Variants in SPIRE1 observed in about 807,000 individuals in gnomAD.
SPIRE1 encodes the protein protein spire homolog 1.
Under a neutral mutation model 94.1 loss-of-function variants are expected in SPIRE1, and 40 were observed. The observed-to-expected ratio is 0.43, with a 90% CI of 0.33 to 0.55. The LOEUF is 0.55. Among genes scored for constraint, SPIRE1 ranks in the 20% least tolerant of loss-of-function variants. SPIRE1 has a pLI of 0.06. For synonymous variants in SPIRE1, 376 were observed against 371.7 expected, an observed-to-expected ratio of 1.01 and a Z score of -0.13; for missense variants, 838 against 975.2, an observed-to-expected ratio of 0.86 and a Z score of 1.87.
At position 12,623,159 on chromosome 18, in the gene SPIRE1, A is replaced by T. The variant is rs558111117; in HGVS notation, c.372+11903T>A. Among the ~76,000 whole-genome samples, 199 of 149,298 alleles carry T rather than the reference A, an allele frequency of 1.3e-3. 1 individual carries two copies. The highest frequency in any genetic ancestry group is 4.6e-3 in the African/African-American group (186 of 40,668). On this transcript the variant is annotated intron_variant, in intron 2 of 16. Coordinates refer to ENST00000409402, the MANE Select transcript of SPIRE1 (RefSeq NM_001128626.2). ...GTTTTAATTTTTACAACAAATATACATTTTTTTTTTTTGAGACAGAGTCTC... is the reference window on the plus strand; with the variant it reads ...GTTTTAATTTTTACAACAAATATACTTTTTTTTTTTTTGAGACAGAGTCTC...
rs980216032 is a variant in SPIRE1, at chr18:12,448,506, C to T, written c.*1132G>A. The T allele has an allele frequency of 3.9e-5, 6 of 152,222 alleles. No individual in the cohort carries two copies. Among genetic ancestry groups the T allele is most frequent in the Admixed American group, 2.0e-4 (3 of 15,272 alleles). 9.4% of individuals were successfully genotyped at this position (152,222 alleles called of 1,614,324 possible). A position where few individuals can be genotyped will look rare whatever the true frequency, so the allele number is the denominator to read the frequency against. Reference sequence around the variant, plus strand: ...ATGCTACCCTCCAGTCTACTTTCGTCAGAAACCAAACCTACTCACTCAAAT... The same window carrying T: ...ATGCTACCCTCCAGTCTACTTTCGTTAGAAACCAAACCTACTCACTCAAAT... On this transcript the variant is annotated 3_prime_UTR_variant, in exon 17 of 17. Coordinates refer to ENST00000409402, the MANE Select transcript of SPIRE1 (RefSeq NM_001128626.2). This position sits in a 1 kb window ranked among gnomAD's most constrained non-coding sequence, Gnocchi z 4.4.
At chr18:12,581,860 TA>T (rs34528391) in intron 2 of SPIRE1, among the ~76,000 whole-genome samples, 6,015 of 147,120 alleles carry the variant, frequency 0.041, 202 homozygotes, top group African/African-American at 0.079. Context: ...TGAGACTGTT[TA>T]AAAAAAAAAA....
In SPIRE1 at chr18:12,548,266, G is replaced by C. The variant is rs1259110800; in HGVS notation, c.373-1362C>G. Among the ~76,000 whole-genome samples the C allele has an allele frequency of 2.6e-5, 4 of 152,064 alleles. No homozygotes were observed. In the South Asian group the frequency reaches 6.2e-4, roughly 24 times the overall value. On this transcript the variant is annotated intron_variant, in intron 2 of 16. Coordinates refer to ENST00000409402, the MANE Select transcript of SPIRE1 (RefSeq NM_001128626.2). ...TTTCATTTTCAGTATTTCATTTATAGCTGGTAATACCGCATTTTTAAAAAA... is the reference window on the plus strand; with the variant it reads ...TTTCATTTTCAGTATTTCATTTATACCTGGTAATACCGCATTTTTAAAAAA...
rs1335136392 is a variant in SPIRE1, at chr18:12,469,487, C to T, written c.1405-4529G>A. Among the ~76,000 whole-genome samples, 12 of 150,356 alleles carry T rather than the reference C, an allele frequency of 8.0e-5. No individual in the cohort carries two copies. The East Asian group carries it at 1.2e-3, about 15-fold the overall frequency. On this transcript the variant is annotated intron_variant, in intron 10 of 16. Transcript: ENST00000409402. Reference sequence around the variant, plus strand: ...CTGGGTTTACAGATGTAAGCCACTACGCCCAGCCACATTCTGATTTTTTAA... The same window carrying T: ...CTGGGTTTACAGATGTAAGCCACTATGCCCAGCCACATTCTGATTTTTTAA...
chr18:12,481,323 C>A (rs546276205), intron 9 of SPIRE1, among the ~76,000 whole-genome samples: 1 of 139,380 alleles, frequency 7.2e-6, no homozygotes, highest in South Asian at 2.5e-4. Flanking sequence ...GATATTCCCC[C>A]CTAGCAAGTA....
At chr18:12,466,944 A>G (rs1286200435) in intron 10 of SPIRE1, among the ~76,000 whole-genome samples, 1 of 152,160 alleles carries the variant, frequency 6.6e-6, no homozygotes, top group African/African-American at 2.4e-5. Flanking sequence ...TGGTCAAAGA[A>G]CAGGGCGGAA....
chr18:12,588,725 A>C (rs931815118), intron 2 of SPIRE1, among the ~76,000 whole-genome samples: 1 of 152,144 alleles, frequency 6.6e-6, no homozygotes, highest in African/African-American at 2.4e-5. Context: ...TTACGGGCAA[A>C]TATGTCAGCT....
upstream of SPIRE1, chr18:12,661,383 C>G: frequency 1.0e-6 from 1 of 983,586 alleles, no homozygotes; most frequent in Non-Finnish European, 1.2e-6. Flanking sequence ...CTGCTGACCA[C>G]TCAAAGGCTA....
At chr18:12,552,140 T>C (rs1001662830) in intron 2 of SPIRE1, among the ~76,000 whole-genome samples, 4 of 152,250 alleles carry the variant, frequency 2.6e-5, no homozygotes, top group African/African-American at 9.6e-5. Flanking sequence ...TAGTGGGAAC[T>C]TGAGTTCTGG....
chr18:12,625,067 G>A (rs150501060), intron 2 of SPIRE1, among the ~76,000 whole-genome samples: 23 of 151,332 alleles, frequency 1.5e-4, no homozygotes, highest in Non-Finnish European at 2.7e-4. Context: ...CGGGGGTGGG[G>A]GAAGCATGAC....
chr18:12,465,727 T>C (rs563429032), intron 10 of SPIRE1, among the ~76,000 whole-genome samples: 1 of 152,166 alleles, frequency 6.6e-6, no homozygotes, highest in African/African-American at 2.4e-5. Context: ...AAGTAATGAG[T>C]GTTTGTTGAA....
chr18:12,526,845 G>A (rs2034537708), intron 4 of SPIRE1, among the ~76,000 whole-genome samples: 1 of 151,958 alleles, frequency 6.6e-6, no homozygotes, highest in Non-Finnish European at 1.5e-5. Flanking sequence ...GAGTAGCTGG[G>A]ATTACAAGCA....
chr18:12,655,180 T>G (rs996738199), intron 1 of SPIRE1, among the ~76,000 whole-genome samples: 1 of 148,988 alleles, frequency 6.7e-6, no homozygotes, highest in African/African-American at 2.5e-5. Context: ...ACTACAGCAC[T>G]GCACTCCAGC....
At chr18:12,460,156 G>T (rs912906160) in intron 12 of SPIRE1, among the ~76,000 whole-genome samples, 1 of 152,182 alleles carries the variant, frequency 6.6e-6, no homozygotes, top group African/African-American at 2.4e-5. Flanking sequence ...ACACAGCAAG[G>T]ATTTTTCTAA....
rs556507380 is a variant in SPIRE1, at chr18:12,486,705, T to C, written c.1190-705A>G. ...TTGTTATAAAGATTAAATAACTTCA[T>C]GTAAAAAAGGTGCTTAGAATAGTGC... On this transcript the variant is annotated intron_variant, in intron 8 of 16. Coordinates refer to ENST00000409402, the MANE Select transcript of SPIRE1 (RefSeq NM_001128626.2). Among the ~76,000 whole-genome samples, 14 of 152,326 alleles carry C rather than the reference T, an allele frequency of 9.2e-5. No homozygotes were observed. In the East Asian group the frequency reaches 2.1e-3, roughly 23 times the overall value.
rs868594911 is a variant in SPIRE1 at position 12,539,593 on chromosome 18, A to G, written c.604-3992T>C. The stretch of plus-strand genomic sequence containing the variant: ...CATACACATACACACACACGCACAC[A>G]CACACACACACACACACACACGTTG... On this transcript the variant is annotated intron_variant, in intron 3 of 16. Coordinates refer to ENST00000409402, the MANE Select transcript of SPIRE1 (RefSeq NM_001128626.2). 4.2e-5 allele frequency among the ~76,000 whole-genome samples: 6 copies of G among 142,032 alleles called. No homozygotes were observed. In the East Asian group the frequency reaches 1.2e-3, roughly 28 times the overall value. The allele number at this position is 142,032 out of a possible 152,430, so 93.2% of individuals were successfully genotyped here.
intron 9 of SPIRE1, among the ~76,000 whole-genome samples, chr18:12,484,059 T>G (rs1352552785): frequency 1.3e-5 from 2 of 152,216 alleles, no homozygotes; most frequent in Non-Finnish European, 2.9e-5. Context: ...GAACCCATCG[T>G]ATAGGCTGCA....
At chr18:12,553,447 C>A (rs1040194747) in intron 2 of SPIRE1, among the ~76,000 whole-genome samples, 1 of 152,274 alleles carries the variant, frequency 6.6e-6, no homozygotes, top group South Asian at 2.1e-4. Context: ...TGGCAGTAAT[C>A]CCCATGGGCC....
chr18:12,466,459 G>C (rs2032105015), intron 10 of SPIRE1, among the ~76,000 whole-genome samples: 1 of 151,776 alleles, frequency 6.6e-6, no homozygotes. Flanking sequence ...GTATTTTTTT[G>C]TGTGTAGAGA....
Sources: allele counts gnomAD v4.1 joint callset (sites outside exome capture counted in the v4.1 genomes callset), GRCh38; gene constraint gnomAD v4.1.1; non-coding constraint Gnocchi (gnomAD v3.1); transcripts MANE v1.5; gene names NCBI Gene and HGNC (gene_info 2026-07-23, HGNC 2026-07-21).